The following ANK3 variants were observed in gnomAD, a reference collection of about 807,000 sequenced individuals.
The protein encoded by ANK3 is ankyrin-3.
In ANK3, 57 loss-of-function variants were observed where a neutral mutation model predicts 370.9. That is an observed-to-expected ratio of 0.15 (90% CI 0.12 to 0.19). The LOEUF (loss-of-function observed/expected upper bound fraction) is 0.19, where lower values mean the gene tolerates loss of function less well. Ranked by LOEUF, ANK3 falls within the 10% of genes least tolerant of loss-of-function variation. The pLI is 1.00. For synonymous variants in ANK3, 1,929 were observed against 1,946.3 expected (o/e 0.99, Z 0.23); for missense variants, 4,439 against 5,302.1 (o/e 0.84, Z 5.06).
chr10:60,251,676 G>A (rs1435897159), intron 7 of ANK3, among the ~76,000 whole-genome samples: 3 of 152,224 alleles, frequency 2.0e-5, no homozygotes, highest in African/African-American at 7.2e-5. Flanking sequence ...GGGGCAACAT[G>A]CTGCCCCTGT....
At chr10:60,128,929 G>A (rs2093921909) in intron 25 of ANK3, among the ~76,000 whole-genome samples, 1 of 152,146 alleles carries the variant, frequency 6.6e-6, no homozygotes, top group African/African-American at 2.4e-5. Flanking sequence ...TGTGTCTTAA[G>A]TACATTAGCT....
At chr10:60,390,957 G>C (rs561690141), upstream of ANK3, among the ~76,000 whole-genome samples, 67 of 152,296 alleles carry the variant, frequency 4.4e-4, no homozygotes, top group Non-Finnish European at 8.1e-4. Flanking sequence ...GTGAGGATTT[G>C]GTTGGGGTTC....
intron 2 of ANK3, among the ~76,000 whole-genome samples, chr10:60,512,166 T>G (rs919049554): frequency 6.6e-6 from 1 of 151,866 alleles, no homozygotes; most frequent in African/African-American, 2.4e-5. Flanking sequence ...AAAAGTTCAT[T>G]TTCATCTCCC....
rs144850774 is a variant in ANK3, at chr10:60,189,971, C to T, written c.1888-3059G>A. Among the ~76,000 whole-genome samples, 850 of 152,160 alleles carry T rather than the reference C, an allele frequency of 5.6e-3. 4 individuals are homozygous for T. Among genetic ancestry groups the T allele is most frequent in the Non-Finnish European group, 8.1e-3 (549 of 68,004 alleles). The stretch of plus-strand genomic sequence containing the variant: ...AACCTGATAAATAATACTTAAAGCT[C>T]ACTATCTCTTCTACAATTAGTATCC... On this transcript the variant is annotated intron_variant, in intron 16 of 43. Transcript: ENST00000280772.
chr10:60,540,844 G>A (rs2076830648), intron 2 of ANK3, among the ~76,000 whole-genome samples: 1 of 151,868 alleles, frequency 6.6e-6, no homozygotes, highest in Admixed American at 6.6e-5. Flanking sequence ...GTGACAATTT[G>A]CTCATGTAAA....
intron 4 of ANK3, among the ~76,000 whole-genome samples, chr10:60,275,632 C>T (rs1313235207): frequency 1.3e-5 from 2 of 152,124 alleles, no homozygotes; most frequent in African/African-American, 2.4e-5. Context: ...AAGTCCCATA[C>T]TTGTACTGTC....
intron 28 of ANK3, among the ~76,000 whole-genome samples, chr10:60,088,842 A>G (rs2087393523): frequency 6.6e-6 from 1 of 152,222 alleles, no homozygotes; most frequent in Admixed American, 6.5e-5. Context: ...TTATAAAACT[A>G]TTAATATAAG....
chr10:60,084,657 T>C lies in ANK3; in HGVS notation c.4019A>G (p.Lys1340Arg). Reference protein sequence around the residue: ...CFCMTDDKVDKTLEQQENFEE... With the variant: ...CFCMTDDKVDRTLEQQENFEE... The stretch of plus-strand genomic sequence containing the variant: ...AAAATTCTCTTGTTGCTCTAAAGTT[T>C]TGTCCACTTTGTCATCTGTCATGCA... Residue 1340 changes from lysine to arginine, a missense_variant, in exon 32 of 44, where the codon AAA (lysine) becomes AGA (arginine). Around this residue, in one of 13 missense-constraint regions of ANK3, gnomAD observed 702 missense variants for 941.5 expected, o/e 0.75. Coordinates refer to ENST00000280772, the MANE Select transcript of ANK3 (RefSeq NM_020987.5). 6.2e-7 allele frequency: 1 copy of C among 1,613,954 alleles called. No homozygotes were observed. Among genetic ancestry groups the C allele is most frequent in the Non-Finnish European group, 8.5e-7 (1 of 1,179,954 alleles).
At chr10:60,712,535 G>A (rs1241365827) in intron 1 of ANK3, among the ~76,000 whole-genome samples, 1 of 152,160 alleles carries the variant, frequency 6.6e-6, no homozygotes, top group Non-Finnish European at 1.5e-5. Context: ...CATATAAAGT[G>A]CTCAATACCA....
chr10:60,147,121 C>G (rs972185005), intron 23 of ANK3, among the ~76,000 whole-genome samples: 6 of 152,128 alleles, frequency 3.9e-5, no homozygotes, highest in Admixed American at 3.3e-4. Flanking sequence ...ATAAAAAGCA[C>G]GAGGTGGTGT....
At chr10:60,701,349 A>G (rs1422036706) in intron 1 of ANK3, among the ~76,000 whole-genome samples, 1 of 152,138 alleles carries the variant, frequency 6.6e-6, no homozygotes, top group Non-Finnish European at 1.5e-5. Context: ...GGAGTGAAAT[A>G]CTCATTTGCC....
intron 2 of ANK3, among the ~76,000 whole-genome samples, chr10:60,407,110 A>G (rs1360422437): frequency 6.6e-6 from 1 of 152,184 alleles, no homozygotes; most frequent in East Asian, 1.9e-4. Context: ...TATCACATGA[A>G]AGTCCCAGTT....
At chr10:60,350,553 C>G (rs1171705454) in intron 1 of ANK3, among the ~76,000 whole-genome samples, 1 of 152,180 alleles carries the variant, frequency 6.6e-6, no homozygotes, top group Non-Finnish European at 1.5e-5. Context: ...CCAATCCTCT[C>G]AATCCTATTT....
chr10:60,125,850 C>T (rs1334412452), intron 25 of ANK3, among the ~76,000 whole-genome samples: 1 of 152,144 alleles, frequency 6.6e-6, no homozygotes, highest in Non-Finnish European at 1.5e-5. Context: ...CTGAAGAATG[C>T]TCCAATTTTC....
intron 1 of ANK3, among the ~76,000 whole-genome samples, chr10:60,728,980 A>G (rs1028819650): frequency 6.6e-6 from 1 of 152,172 alleles, no homozygotes; most frequent in Admixed American, 6.5e-5. Context: ...TATTTTCAAG[A>G]TGCATATGTC....
In ANK3 at chr10:60,029,429, A is replaced by G. The variant is rs2072780477; in HGVS notation, c.*417T>C. 1 of 152,654 alleles carries G rather than the reference A, an allele frequency of 6.6e-6. No individual in the cohort carries two copies. Among genetic ancestry groups the G allele is most frequent in the South Asian group, 2.1e-4 (1 of 4,832 alleles). The allele number at this position is 152,654 out of a possible 1,614,324, so 9.5% of individuals were successfully genotyped here. ...CCCTGACAGTTTGGGTCCAAGAAAA[A>G]TAAGGCGAGCTGTTGTAGATTTAGT... On this transcript the variant is annotated 3_prime_UTR_variant, in exon 44 of 44. Transcript: ENST00000280772.
intron 2 of ANK3, among the ~76,000 whole-genome samples, chr10:60,567,089 T>C (rs2077481107): frequency 6.6e-6 from 1 of 152,214 alleles, no homozygotes; most frequent in African/African-American, 2.4e-5. Context: ...TTATAGCAAG[T>C]TATCCAGAAG....
intron 2 of ANK3, among the ~76,000 whole-genome samples, chr10:60,398,884 A>G (rs1269649900): frequency 2.0e-5 from 3 of 152,216 alleles, no homozygotes; most frequent in African/African-American, 7.2e-5. Context: ...CTGGTTCACT[A>G]TGTCCAGTTC....
chr10:60,593,069 C>T (rs74155617), intron 2 of ANK3, among the ~76,000 whole-genome samples: 71 of 152,202 alleles, frequency 4.7e-4, no homozygotes, highest in African/African-American at 1.5e-3. Flanking sequence ...CATGAATGAC[C>T]CCTAATGTCT....
Sources: gnomAD v4.1 joint callset for allele counts (sites outside exome capture counted in the v4.1 genomes callset) on GRCh38, gnomAD v4.1.1 for gene constraint, gnomAD v4.1.1 regional missense constraint, MANE v1.5 for transcripts, NCBI Gene and HGNC (gene_info 2026-07-23, HGNC 2026-07-21) for gene names.